The following CCDC171 variants were observed in gnomAD, a reference collection of about 807,000 sequenced individuals.
The protein encoded by CCDC171 is coiled-coil domain-containing protein 171.
In CCDC171, 177 loss-of-function variants were observed where a neutral mutation model predicts 168.2. The observed-to-expected ratio is 1.05, with a 90% CI of 0.93 to 1.19. The LOEUF (loss-of-function observed/expected upper bound fraction) is 1.19. Among genes scored for constraint, CCDC171 ranks in the 50% most tolerant of loss-of-function variants. CCDC171 has a pLI of 0.00. For missense variants in CCDC171, 1,991 were observed against 1,539.0 expected, an observed-to-expected ratio of 1.29 and a Z score of -4.91; for synonymous variants, 687 against 540.8, an observed-to-expected ratio of 1.27 and a Z score of -3.75.
At chr9:16,091,249 T>C in the CCDC171 span, among the ~76,000 whole-genome samples, 6 of 152,312 alleles carry the variant, frequency 3.9e-5, no homozygotes, top group South Asian at 1.2e-3. Flanking sequence ...CAGGAAGAGA[T>C]AAGAGCCATT....
intron 24 of CCDC171, among the ~76,000 whole-genome samples, chr9:15,904,044 A>G (rs1488075811): frequency 3.3e-5 from 5 of 152,180 alleles, no homozygotes; most frequent in African/African-American, 7.2e-5. Flanking sequence ...CCAAATCTAC[A>G]TCTGATTGGT....
chr9:16,054,746 A>G (rs1586866077), intron 1 of CCDC171, among the ~76,000 whole-genome samples: 2 of 152,330 alleles, frequency 1.3e-5, no homozygotes, highest in East Asian at 3.9e-4. Flanking sequence ...TGAAAGGATC[A>G]CTGCAGGTCA....
At chr9:15,619,357 A>G (rs1342275736) in intron 6 of CCDC171, among the ~76,000 whole-genome samples, 2 of 152,362 alleles carry the variant, frequency 1.3e-5, no homozygotes, top group East Asian at 1.9e-4. Flanking sequence ...GAAGGAAATT[A>G]AAAGTGCTAC....
chr9:15,567,008 A>ATATATTGATC (rs1304706741), intron 2 of CCDC171, among the ~76,000 whole-genome samples: 1 of 148,182 alleles, frequency 6.7e-6, no homozygotes, highest in Non-Finnish European at 1.5e-5. Context: ...CTTAACTCTG[A>ATATATTGATC]TATATTGATC....
rs78245292 is a variant in CCDC171 at position 15,889,739 on chromosome 9, T to G, written c.3600+15076T>G. Among the ~76,000 whole-genome samples, 984 of 152,322 alleles carry G rather than the reference T, an allele frequency of 6.5e-3. 29 individuals carry two copies. The highest frequency in any genetic ancestry group is 0.042 in the Admixed American group (644 of 15,296). On this transcript the variant is annotated intron_variant, in intron 24 of 25. Transcript: ENST00000380701. ...GAAATGCCTTGACACATAACTTACTTATCTTTTCTTACTCAACATTCTAAT... is the reference window on the plus strand; with the variant it reads ...GAAATGCCTTGACACATAACTTACTGATCTTTTCTTACTCAACATTCTAAT...
chr9:15,853,320 A>G (rs1205604184), intron 23 of CCDC171, among the ~76,000 whole-genome samples: 1 of 151,678 alleles, frequency 6.6e-6, no homozygotes, highest in Non-Finnish European at 1.5e-5. Context: ...ATTCTTAAGT[A>G]TTTTATAATT....
At chr9:15,917,209 A>G (rs1824651473) in intron 24 of CCDC171, among the ~76,000 whole-genome samples, 1 of 151,884 alleles carries the variant, frequency 6.6e-6, no homozygotes, top group South Asian at 2.1e-4. Context: ...TCTTCAAAGG[A>G]TATGTGGCTT....
chr9:15,568,398 G>A (rs1173232371), intron 2 of CCDC171, among the ~76,000 whole-genome samples: 5 of 151,870 alleles, frequency 3.3e-5, no homozygotes. Context: ...AGCCTCCGGA[G>A]TAGCTGGGAC....
intron 20 of CCDC171, 77 bp downstream of exon 20, chr9:15,779,227 T>C: frequency 1.2e-6 from 1 of 811,968 alleles, no homozygotes. Flanking sequence ...TTTCCTTAAC[T>C]TTTGTTATGT....
intron 21 of CCDC171, among the ~76,000 whole-genome samples, chr9:15,837,190 G>A (rs2060488360): frequency 6.6e-6 from 1 of 152,102 alleles, no homozygotes; most frequent in Non-Finnish European, 1.5e-5. Flanking sequence ...TCTACAATAT[G>A]TACTCAGTGT....
intron 1 of CCDC171, among the ~76,000 whole-genome samples, chr9:16,050,898 C>T (rs539666693): frequency 1.5e-4 from 23 of 152,268 alleles, no homozygotes; most frequent in African/African-American, 4.3e-4. Flanking sequence ...ATAAAGCTGA[C>T]GCACACAATT....
intron 7 of CCDC171, among the ~76,000 whole-genome samples, chr9:15,653,145 C>A (rs975592476): frequency 2.0e-5 from 3 of 151,978 alleles, no homozygotes; most frequent in Non-Finnish European, 4.4e-5. Context: ...AAAATATATA[C>A]CTATATATTT....
At chr9:15,884,741 CT>C (rs1484040634) in intron 24 of CCDC171, among the ~76,000 whole-genome samples, 1 of 152,088 alleles carries the variant, frequency 6.6e-6, no homozygotes, top group East Asian at 1.9e-4. Flanking sequence ...GCCAGTCTTG[CT>C]TTTGCTCACA....
intron 6 of CCDC171, among the ~76,000 whole-genome samples, chr9:16,034,661 T>G (rs1329301540): frequency 6.6e-6 from 1 of 152,220 alleles, no homozygotes. Flanking sequence ...GGGGCCAGTG[T>G]TCTCACCACT....
intron 7 of CCDC171, among the ~76,000 whole-genome samples, chr9:15,634,834 A>G (rs2046075225): frequency 6.6e-6 from 1 of 152,022 alleles, no homozygotes; most frequent in South Asian, 2.1e-4. Flanking sequence ...CTAAGCAACC[A>G]CTACTTTCTG....
chr9:16,021,443 A>AT (rs1305547979), intron 4 of CCDC171, among the ~76,000 whole-genome samples: 1 of 152,148 alleles, frequency 6.6e-6, no homozygotes, highest in East Asian at 1.9e-4. Flanking sequence ...TTCCTCTAAG[A>AT]TTTTTTACAT....
At chr9:16,098,475 A>G in the CCDC171 span, among the ~76,000 whole-genome samples, 1 of 152,190 alleles carries the variant, frequency 6.6e-6, no homozygotes, top group African/African-American at 2.4e-5. Flanking sequence ...AGAATAAGAA[A>G]GCTGGCTTTG....
chr9:15,627,156 G>A (rs1267916233), intron 7 of CCDC171, among the ~76,000 whole-genome samples: 4 of 152,070 alleles, frequency 2.6e-5, no homozygotes, highest in Non-Finnish European at 5.9e-5. Flanking sequence ...TGGGATCGGT[G>A]GTGATATCCC....
intron 11 of CCDC171, among the ~76,000 whole-genome samples, chr9:15,699,355 A>C (rs1230867535): frequency 6.6e-6 from 1 of 152,082 alleles, no homozygotes; most frequent in Non-Finnish European, 1.5e-5. Context: ...GGACCCAAAG[A>C]GTGAGCAGTA....
Sources: gnomAD v4.1 joint callset for allele counts (sites outside exome capture counted in the v4.1 genomes callset) on GRCh38, gnomAD v4.1.1 for gene constraint, MANE v1.5 for transcripts, NCBI Gene and HGNC (gene_info 2026-07-23, HGNC 2026-07-21) for gene names.